Variants in DPP10 observed in about 807,000 individuals in gnomAD.
The protein encoded by DPP10 is dipeptidyl peptidase like 10.
A neutral mutation model predicts 120.9 loss-of-function variants in DPP10; 33 were observed. The ratio of observed to expected loss-of-function variants is 0.27; its 90% CI spans 0.21 to 0.37. DPP10 has a LOEUF of 0.37. Among genes scored for constraint, DPP10 ranks in the 10% least tolerant of loss-of-function variants. The probability of loss-of-function intolerance (pLI) is 1.00; values close to 1 mark genes in which losing one functional copy is unlikely to be tolerated. For missense variants in DPP10, 816 were observed against 942.8 expected (o/e 0.87, Z 1.76); for synonymous variants, 337 against 326.1 (o/e 1.03, Z -0.36).
chr2:115,837,841 C>CA lies in DPP10; in HGVS notation c.2182+1108dup, dbSNP rs10716487. ...CACCCCTCAGAACTGTTGGGGTAAT[C>CA]AAAAAAAAAAAAAGTCTAAGAAACT... On this transcript the variant is annotated intron_variant, in intron 24 of 25. Transcript: ENST00000410059. Among the ~76,000 whole-genome samples, 591 of 132,242 alleles carry CA rather than the reference C, an allele frequency of 4.5e-3. 5 individuals are homozygous for CA. Among genetic ancestry groups the CA allele is most frequent in the African/African-American group, 0.012 (425 of 36,502 alleles). The allele number at this position is 132,242 out of a possible 152,430, so 86.8% of individuals were successfully genotyped here.
At chr2:115,497,041 C>G (rs538450467) in intron 3 of DPP10, among the ~76,000 whole-genome samples, 1 of 152,106 alleles carries the variant, frequency 6.6e-6, no homozygotes, top group African/African-American at 2.4e-5. Context: ...AAAATCATCT[C>G]AGAAGACCAA....
intron 1 of DPP10, among the ~76,000 whole-genome samples, chr2:114,881,711 C>A (rs1691661005): frequency 6.6e-6 from 1 of 151,886 alleles, no homozygotes; most frequent in East Asian, 1.9e-4. Context: ...AATTATGTGA[C>A]CTAGACTAGG....
rs1047659337 is a variant in DPP10, at chr2:115,495,669, G to GA, written c.272-3833dup. Among the ~76,000 whole-genome samples the GA allele has an allele frequency of 4.0e-5, 6 of 151,892 alleles. No individual in the cohort carries two copies. In the East Asian group the frequency reaches 7.8e-4, roughly 20 times the overall value. ...TTTCTTTTTGTCAGCCAAATTATGGGAAAAAAAATTGGATCGAAATGGCAG... is the reference window on the plus strand; with the variant it reads ...TTTCTTTTTGTCAGCCAAATTATGGGAAAAAAAAATTGGATCGAAATGGCAG... On this transcript the variant is annotated intron_variant, in intron 3 of 25. Transcript: ENST00000410059.
chr2:115,828,724 A>G (rs758241133), intron 21 of DPP10, among the ~76,000 whole-genome samples: 4 of 152,090 alleles, frequency 2.6e-5, no homozygotes, highest in Non-Finnish European at 5.9e-5. Flanking sequence ...CTTCTATTTT[A>G]TATATTTTGT....
intron 1 of DPP10, among the ~76,000 whole-genome samples, chr2:114,850,120 A>T (rs1688844014): frequency 6.6e-6 from 1 of 150,828 alleles, no homozygotes; most frequent in Non-Finnish European, 1.5e-5. Flanking sequence ...TTCTGGGCTC[A>T]AGTGATCCTC....
intron 3 of DPP10, among the ~76,000 whole-genome samples, chr2:115,492,814 T>C (rs1449615750): frequency 1.3e-5 from 2 of 151,974 alleles, no homozygotes; most frequent in Non-Finnish European, 2.9e-5. Flanking sequence ...ATAAAAAAAC[T>C]CAATAAAAAA....
chr2:114,717,142 C>T (rs78501855), intron 1 of DPP10, among the ~76,000 whole-genome samples: 2,142 of 152,200 alleles, frequency 0.014, 42 homozygotes, highest in African/African-American at 0.048. Flanking sequence ...TGTACATTCC[C>T]GTTAAGATTT....
intron 3 of DPP10, among the ~76,000 whole-genome samples, chr2:115,386,804 T>A (rs1303377653): frequency 6.6e-6 from 1 of 152,136 alleles, no homozygotes; most frequent in African/African-American, 2.4e-5. Context: ...AGTGGCATAT[T>A]TCGGGGGTGA....
At chr2:114,496,098 T>C (rs1252740363) in intron 1 of DPP10, among the ~76,000 whole-genome samples, 1 of 152,052 alleles carries the variant, frequency 6.6e-6, no homozygotes. Flanking sequence ...AAGGACTAGA[T>C]TTGAGATTTT....
At chr2:115,699,223 A>T (rs2091774585) in intron 7 of DPP10, among the ~76,000 whole-genome samples, 1 of 152,192 alleles carries the variant, frequency 6.6e-6, no homozygotes, top group South Asian at 2.1e-4. Context: ...TAGAGTCATG[A>T]AGAAATAGAA....
chr2:115,330,998 T>G (rs2062693335), intron 2 of DPP10, among the ~76,000 whole-genome samples: 1 of 152,166 alleles, frequency 6.6e-6, no homozygotes, highest in Non-Finnish European at 1.5e-5. Flanking sequence ...TGGCATTGAA[T>G]CTATAAATTA....
intron 3 of DPP10, among the ~76,000 whole-genome samples, chr2:115,436,501 G>C (rs546692962): frequency 6.6e-6 from 1 of 151,838 alleles, no homozygotes; most frequent in African/African-American, 2.4e-5. Flanking sequence ...GTAAGTGTTA[G>C]GGTATAGGTC....
intron 1 of DPP10, among the ~76,000 whole-genome samples, chr2:114,803,884 C>T (rs1684485321): frequency 6.6e-6 from 1 of 152,202 alleles, no homozygotes; most frequent in Non-Finnish European, 1.5e-5. Context: ...GCATAAGTAG[C>T]AAGGAGCCTA....
intron 3 of DPP10, among the ~76,000 whole-genome samples, chr2:115,407,752 A>G (rs888579847): frequency 2.6e-5 from 4 of 152,152 alleles, no homozygotes; most frequent in African/African-American, 9.7e-5. Flanking sequence ...TCCTAAGCCA[A>G]CCAGTTTAAG....
chr2:114,976,079 G>T (rs766027073), intron 1 of DPP10, among the ~76,000 whole-genome samples: 3 of 152,138 alleles, frequency 2.0e-5, no homozygotes, highest in Non-Finnish European at 4.4e-5. Context: ...TCTGAACTTT[G>T]CATAAATGTT....
At chr2:115,822,412 T>C (rs1003771109) in intron 21 of DPP10, among the ~76,000 whole-genome samples, 1 of 151,956 alleles carries the variant, frequency 6.6e-6, no homozygotes, top group Non-Finnish European at 1.5e-5. Context: ...TTTTTCAAAG[T>C]TCTTTTAACT....
intron 1 of DPP10, among the ~76,000 whole-genome samples, chr2:115,014,210 A>C (rs966324428): frequency 6.6e-6 from 1 of 152,204 alleles, no homozygotes; most frequent in African/African-American, 2.4e-5. Context: ...CCGCACAACT[A>C]CATGGAAACT....
chr2:115,070,963 T>C (rs1418653306), intron 1 of DPP10, among the ~76,000 whole-genome samples: 1 of 152,160 alleles, frequency 6.6e-6, no homozygotes, highest in African/African-American at 2.4e-5. Flanking sequence ...GCCAAATCAA[T>C]GCCAATAATC....
intron 1 of DPP10, among the ~76,000 whole-genome samples, chr2:115,152,570 T>C (rs1463372559): frequency 6.6e-6 from 1 of 152,186 alleles, no homozygotes; most frequent in Non-Finnish European, 1.5e-5. Context: ...AAAATAGATA[T>C]ATTGGCTTGT....
Sources: allele counts gnomAD v4.1 joint callset (sites outside exome capture counted in the v4.1 genomes callset), GRCh38; gene constraint gnomAD v4.1.1; transcripts MANE v1.5; gene names NCBI Gene and HGNC (gene_info 2026-07-23, HGNC 2026-07-21).